ADGRL3: variants seen among roughly 807,000 people sequenced by gnomAD.
The protein encoded by ADGRL3 is adhesion G protein-coupled receptor L3, also known as calcium-independent alpha-latrotoxin receptor 3.
A neutral mutation model predicts 153.5 loss-of-function variants in ADGRL3; 62 were observed. The ratio of observed to expected loss-of-function variants is 0.40; its 90% CI spans 0.33 to 0.50. The LOEUF is 0.50. ADGRL3 is among the 20% of genes least tolerant of loss of function. The pLI, the probability that ADGRL3 is intolerant of heterozygous loss-of-function variation, is 0.47. For missense variants in ADGRL3, 1,641 were observed against 1,859.4 expected (o/e 0.88, Z 2.16); for synonymous variants, 710 against 672.5 (o/e 1.06, Z -0.86).
intron 6 of ADGRL3, among the ~76,000 whole-genome samples, chr4:61,684,693 A>T (rs1378018994): frequency 3.3e-5 from 5 of 152,088 alleles, no homozygotes; most frequent in African/African-American, 1.2e-4. Flanking sequence ...CAGACCTTGC[A>T]TTCCTTTGGG....
intron 1 of ADGRL3, among the ~76,000 whole-genome samples, chr4:61,219,010 A>T (rs1744164178): frequency 6.6e-6 from 1 of 152,194 alleles, no homozygotes; most frequent in African/African-American, 2.4e-5. Context: ...GGAGGCATCA[A>T]GGGGGGCTGT....
chr4:61,751,699 G>A (rs1006941094), intron 8 of ADGRL3, among the ~76,000 whole-genome samples: 1 of 152,174 alleles, frequency 6.6e-6, no homozygotes, highest in Non-Finnish European at 1.5e-5. Flanking sequence ...AAAGACTAGA[G>A]ATTTGGAGAC....
intron 6 of ADGRL3, among the ~76,000 whole-genome samples, chr4:61,690,945 A>G (rs1431624776): frequency 6.6e-6 from 1 of 152,170 alleles, no homozygotes; most frequent in African/African-American, 2.4e-5. Flanking sequence ...TTCTCCTTCC[A>G]CTTTATTAGG....
intron 5 of ADGRL3, among the ~76,000 whole-genome samples, chr4:61,674,913 G>GCC (rs2095135237): frequency 1.3e-5 from 2 of 151,914 alleles, no homozygotes; most frequent in African/African-American, 4.8e-5. Context: ...TGTGAGGACA[G>GCC]CCACATTTAC....
intron 9 of ADGRL3, among the ~76,000 whole-genome samples, chr4:61,889,902 A>G (rs77079718): frequency 0.014 from 2,109 of 152,302 alleles, 51 homozygotes; most frequent in African/African-American, 0.049. Flanking sequence ...CCAGAGAGTT[A>G]TATGCTGATT....
At chr4:61,802,785 TA>T (rs11412108) in intron 8 of ADGRL3, among the ~76,000 whole-genome samples, 2 of 151,958 alleles carry the variant, frequency 1.3e-5, no homozygotes, top group African/African-American at 4.8e-5. Context: ...TATGACACAA[TA>T]AAAAAAACTT....
At chr4:61,644,918 C>G (rs2093891983) in intron 5 of ADGRL3, among the ~76,000 whole-genome samples, 1 of 151,798 alleles carries the variant, frequency 6.6e-6, no homozygotes, top group South Asian at 2.1e-4. Context: ...GTGTGGGAGT[C>G]TAAGTCTCTT....
intron 3 of ADGRL3, among the ~76,000 whole-genome samples, 169 bp downstream of exon 3, chr4:61,497,517 T>A: frequency 4.1e-4 from 1 of 2,438 alleles, no homozygotes; most frequent in African/African-American, 4.5e-4. Context: ...TTTCTTTTCT[T>A]TTTTTTTTTT....
chr4:61,574,023 G>C (rs1057354092), intron 4 of ADGRL3, among the ~76,000 whole-genome samples: 2 of 151,874 alleles, frequency 1.3e-5, no homozygotes, highest in Non-Finnish European at 2.9e-5. Context: ...TTTTAAAATT[G>C]TTTGATTAAA....
intron 4 of ADGRL3, among the ~76,000 whole-genome samples, chr4:61,582,134 ATC>A (rs935888347): frequency 2.6e-5 from 4 of 152,026 alleles, no homozygotes; most frequent in African/African-American, 9.7e-5. Flanking sequence ...GAAGATTTTC[ATC>A]TCTGCTATAT....
chr4:61,515,153 C>T (rs1305718709), intron 3 of ADGRL3, among the ~76,000 whole-genome samples: 1 of 152,126 alleles, frequency 6.6e-6, no homozygotes, highest in Non-Finnish European at 1.5e-5. Context: ...TGCCTCTCTG[C>T]CTTCCAGACT....
chr4:61,542,996 A>G (rs1392713013), intron 4 of ADGRL3, among the ~76,000 whole-genome samples: 1 of 151,986 alleles, frequency 6.6e-6, no homozygotes, highest in Non-Finnish European at 1.5e-5. Flanking sequence ...TCTTTATTAT[A>G]TTTTTTAGTC....
intron 13 of ADGRL3, chr4:61,933,769 T>A (rs1476016523): frequency 6.6e-6 from 1 of 152,150 alleles, no homozygotes; most frequent in Non-Finnish European, 1.5e-5. Flanking sequence ...AAACACTGCA[T>A]TGTGGAGGGT....
At chr4:61,384,825 C>T (rs574695696) in intron 2 of ADGRL3, among the ~76,000 whole-genome samples, 2 of 151,980 alleles carry the variant, frequency 1.3e-5, no homozygotes, top group East Asian at 3.9e-4. Flanking sequence ...AAAAGACACA[C>T]ACAAAAGGCC....
Position 61,676,818 on chromosome 4 carries a change from G to C in ADGRL3, c.474-8G>C, listed in dbSNP as rs1429318654. 1.3e-6 allele frequency: 2 copies of C among 1,594,666 alleles called. No individual in the cohort carries two copies. The highest frequency in any genetic ancestry group is 1.1e-5 in the South Asian group (1 of 90,580). On this transcript the variant is annotated splice_polypyrimidine_tract_variant and splice_region_variant and intron_variant, in intron 5 of 26. Coordinates refer to ENST00000683033, the MANE Select transcript of ADGRL3 (RefSeq NM_001387552.1). The stretch of plus-strand genomic sequence containing the variant: ...CTTACTACTTCTTTTCCTTTCTTTT[G>C]ACTTCAGATGCAATAACAGAACCCA...
At chr4:62,006,863 A>G (rs577782046) in intron 21 of ADGRL3, among the ~76,000 whole-genome samples, 73 of 152,100 alleles carry the variant, frequency 4.8e-4, no homozygotes, top group Non-Finnish European at 8.2e-4. Context: ...TTTCTGTTAG[A>G]ATGGCCACTG....
At position 61,892,736 on chromosome 4, in the gene ADGRL3, A is replaced by T. The variant is rs1384598559; in HGVS notation, c.1561A>T (p.Arg521Trp). The change falls in exon 10 of 27, where the codon AGG becomes TGG. Residue 521 changes from arginine to tryptophan, a missense_variant. This residue lies in a region of ADGRL3 where 734 missense variants were observed against 797.0 expected (regional missense o/e 0.92). Transcript: ENST00000683033. The stretch of plus-strand genomic sequence containing the variant: ...TCGGACCACAACTTTGAGCCCAGGA[A>T]GGAGTACCACCCCGTCAGTGTCAGG... ...TLRTTTLSPGRSTTPSVSGRR... is the reference protein window; with the variant it reads ...TLRTTTLSPGWSTTPSVSGRR... The T allele has an allele frequency of 6.2e-7, 1 of 1,613,818 alleles. No individual in the cohort carries two copies. Among genetic ancestry groups the T allele is most frequent in the African/African-American group, 1.3e-5 (1 of 74,922 alleles).
chr4:61,945,911 T>A (rs979242330), intron 15 of ADGRL3, among the ~76,000 whole-genome samples: 3 of 152,200 alleles, frequency 2.0e-5, no homozygotes, highest in Non-Finnish European at 4.4e-5. Flanking sequence ...TCGCTCACGC[T>A]GGGAGCTGTA....
rs141158393 is a variant in ADGRL3, at chr4:61,331,309, C to T, written c.-239-51815C>T. ...CATCAGAAAGGTTATGTAGGAGATA[C>T]GTCCTCCAATATTTCCTGAAATACT... is the stretch of plus-strand genomic sequence containing the variant. On this transcript the variant is annotated intron_variant, in intron 1 of 26. Coordinates refer to ENST00000683033, the MANE Select transcript of ADGRL3 (RefSeq NM_001387552.1). Among the ~76,000 whole-genome samples, 10 of 152,226 alleles carry T rather than the reference C, an allele frequency of 6.6e-5. No homozygotes were observed. In the East Asian group the frequency reaches 1.5e-3, roughly 24 times the overall value.
Sources: allele counts gnomAD v4.1 joint callset (sites outside exome capture counted in the v4.1 genomes callset), GRCh38; gene constraint gnomAD v4.1.1; regional missense constraint gnomAD v4.1.1; transcripts MANE v1.5; gene names NCBI Gene and HGNC (gene_info 2026-07-23, HGNC 2026-07-21).